The following SEC11A variants were observed in gnomAD, a reference collection of about 807,000 sequenced individuals.
SEC11A encodes the protein SEC11 homolog A, signal peptidase complex subunit, also known as signal peptidase complex catalytic subunit SEC11A.
A neutral mutation model predicts 25.6 loss-of-function variants in SEC11A; 14 were observed. The observed-to-expected ratio is 0.55, with a 90% confidence interval of 0.36 to 0.85. The LOEUF is 0.85. SEC11A is among the 40% of genes least tolerant of loss of function. SEC11A has a pLI of 0.01. For synonymous variants in SEC11A, 83 were observed against 76.4 expected, an observed-to-expected ratio of 1.09 and a Z score of -0.45; for missense variants, 153 against 222.9, an observed-to-expected ratio of 0.69 and a Z score of 2.00.
chr15:84,701,362 T>C (rs1238889505), intron 1 of SEC11A, among the ~76,000 whole-genome samples: 1 of 151,574 alleles, frequency 6.6e-6, no homozygotes, highest in African/African-American at 2.4e-5. Context: ...TCTTGTTGCC[T>C]AGGGTGGAGT....
At chr15:84,680,099 G>C in intron 4 of SEC11A, 2 of 529,286 alleles carry the variant, frequency 3.8e-6, no homozygotes, top group Non-Finnish European at 6.5e-6. Context: ...TATTGACTTA[G>C]TACTTCTTAA....
At chr15:84,679,777 G>A (rs1193112492) in intron 4 of SEC11A, among the ~76,000 whole-genome samples, 1 of 152,138 alleles carries the variant, frequency 6.6e-6, no homozygotes, top group East Asian at 1.9e-4. Flanking sequence ...GGGAATATTA[G>A]GGTTGTTCTG....
chr15:84,670,049 C>G lies in SEC11A; in HGVS notation c.510G>C (p.Leu170=), dbSNP rs753294438. 6.2e-7 allele frequency: 1 copy of G among 1,613,148 alleles called. No homozygotes were observed. Among genetic ancestry groups the G allele is most frequent in the African/African-American group, 1.3e-5 (1 of 74,942 alleles). The stretch of plus-strand genomic sequence containing the variant: ...CACGATGAACCAGCACGAATAAACC[C>G]AGCAAAAAGAGAACTGCATACTAGA... ...PKFKYAVLFL[L]GLFVLVHRE is the part of the protein sequence containing the mutation. The change falls in exon 6 of 6, where the codon CTG becomes CTC. Residue 170 remains leucine, a synonymous_variant. Coordinates refer to ENST00000268220, the MANE Select transcript of SEC11A (RefSeq NM_014300.4).
chr15:84,711,199 T>C (rs1165334503), intron 1 of SEC11A, among the ~76,000 whole-genome samples: 3 of 151,902 alleles, frequency 2.0e-5, no homozygotes, highest in Non-Finnish European at 2.9e-5. Flanking sequence ...CTGGGCAACC[T>C]GGTGAAACCC....
rs1348957918 is a variant in SEC11A, at chr15:84,679,907, T to C, written c.431+806A>G. Reference sequence around the variant, plus strand: ...TTACATTAAGGGAGCAACAATGCCATACTTCCTTAATACCAACAACTTACA... The same window carrying C: ...TTACATTAAGGGAGCAACAATGCCACACTTCCTTAATACCAACAACTTACA... On this transcript the variant is annotated intron_variant, in intron 4 of 5. Transcript: ENST00000268220. 5.3e-6 allele frequency: 8 copies of C among 1,499,796 alleles called. No homozygotes were observed. The African/African-American group carries it at 8.3e-5, about 16-fold the overall frequency. 92.9% of individuals were successfully genotyped at this position (1,499,796 alleles called of 1,614,324 possible).
At chr15:84,680,287 C>T (rs1332982602) in intron 4 of SEC11A, among the ~76,000 whole-genome samples, 1 of 146,514 alleles carries the variant, frequency 6.8e-6, no homozygotes, top group Non-Finnish European at 1.5e-5. Flanking sequence ...GGTGACAGAG[C>T]AAGACTCCAT....
chr15:84,699,593 G>T (rs934724511), intron 1 of SEC11A, among the ~76,000 whole-genome samples: 1 of 152,050 alleles, frequency 6.6e-6, no homozygotes, highest in Non-Finnish European at 1.5e-5. Context: ...GAGAAATGCA[G>T]ACAGAGCCTA....
intron 2 of SEC11A, among the ~76,000 whole-genome samples, chr15:84,688,682 G>T (rs547383567): frequency 6.6e-6 from 1 of 152,258 alleles, no homozygotes; most frequent in African/African-American, 2.4e-5. Flanking sequence ...CTATGTAAAG[G>T]GATATGGCAG....
At chr15:84,670,952 T>C (rs1177644028) in intron 4 of SEC11A, 170 bp from the exon 5 acceptor site, 3 of 455,762 alleles carry the variant, frequency 6.6e-6, no homozygotes, top group Non-Finnish European at 1.2e-5. Flanking sequence ...ATAGGAAAGT[T>C]AGGAATATCA....
At chr15:84,689,035 A>G (rs1243540309) in intron 2 of SEC11A, among the ~76,000 whole-genome samples, 2 of 151,684 alleles carry the variant, frequency 1.3e-5, no homozygotes, top group African/African-American at 4.8e-5. Context: ...GTCTCAAAAA[A>G]AAAAAAAAAA....
chr15:84,712,395 T>TG (rs879859341), intron 1 of SEC11A, among the ~76,000 whole-genome samples: 4 of 152,092 alleles, frequency 2.6e-5, no homozygotes, highest in Non-Finnish European at 5.9e-5. Flanking sequence ...ACAGCCATTC[T>TG]GAAAGTGTTT....
Position 84,686,203 on chromosome 15 carries a change from TA to T in SEC11A, c.311+1421del, listed in dbSNP as rs890330461. 9.9e-5 allele frequency among the ~76,000 whole-genome samples: 15 copies of T among 151,668 alleles called. No homozygotes were observed. The Middle Eastern group carries it at 0.017, about 173-fold the overall frequency. Reference sequence around the variant, plus strand: ...CATACATACTGATATCTGATTTTATTAAAAAAAAATAAGCAGTCATATCTTT... The same window carrying T: ...CATACATACTGATATCTGATTTTATTAAAAAAAATAAGCAGTCATATCTTT... On this transcript the variant is annotated intron_variant, in intron 3 of 5. Transcript: ENST00000268220.
At chr15:84,698,605 T>C (rs887002950) in intron 1 of SEC11A, among the ~76,000 whole-genome samples, 1 of 152,240 alleles carries the variant, frequency 6.6e-6, no homozygotes, top group African/African-American at 2.4e-5. Context: ...TTTTTTAAAT[T>C]CCTAATAGTC....
At chr15:84,702,597 C>T (rs376121001) in intron 1 of SEC11A, among the ~76,000 whole-genome samples, 49 of 152,202 alleles carry the variant, frequency 3.2e-4, no homozygotes, top group Non-Finnish European at 4.4e-4. Context: ...AGCAACAGTG[C>T]CCAGTTTATA....
chr15:84,702,130 C>G (rs926705889), intron 1 of SEC11A, among the ~76,000 whole-genome samples: 1 of 151,056 alleles, frequency 6.6e-6, no homozygotes, highest in Non-Finnish European at 1.5e-5. Flanking sequence ...TGTAAAAATT[C>G]TAAACATTTC....
intron 4 of SEC11A, among the ~76,000 whole-genome samples, chr15:84,678,995 A>G (rs1303907546): frequency 3.1e-5 from 4 of 129,734 alleles, no homozygotes. Flanking sequence ...ACTGTCTCCA[A>G]AAAAAAAAAA....
intron 1 of SEC11A, among the ~76,000 whole-genome samples, chr15:84,697,172 G>T (rs12908699): frequency 0.2 from 30,588 of 152,130 alleles, 3,886 homozygotes; most frequent in Middle Eastern, 0.36. Context: ...TGAGGTAGGA[G>T]GATTGCTTGA....
chr15:84,670,187 C>A, intron 5 of SEC11A, 118 bp from the exon 6 acceptor site: 1 of 827,468 alleles, frequency 1.2e-6, no homozygotes, highest in Non-Finnish European at 1.8e-6. Context: ...ATTATTCTTT[C>A]ATCTTTTAAC....
chr15:84,709,775 C>T (rs773046320), intron 1 of SEC11A, among the ~76,000 whole-genome samples: 7 of 151,938 alleles, frequency 4.6e-5, no homozygotes, highest in Non-Finnish European at 1.0e-4. Context: ...CAGGGTCTCA[C>T]ACTGTCACCC....
Sources: gnomAD v4.1 joint callset for allele counts (sites outside exome capture counted in the v4.1 genomes callset) on GRCh38, gnomAD v4.1.1 for gene constraint, MANE v1.5 for transcripts, NCBI Gene and HGNC (gene_info 2026-07-23, HGNC 2026-07-21) for gene names.